The following PHIP variants were observed in gnomAD, a reference collection of about 807,000 sequenced individuals.
PHIP encodes PHIP subunit of CUL4-Ring ligase complex.
Under a neutral mutation model 236.8 loss-of-function variants are expected in PHIP, and 54 were observed. That is an observed-to-expected ratio of 0.23 (90% CI 0.18 to 0.29). PHIP has a LOEUF of 0.29. Ranked by LOEUF, PHIP falls within the 10% of genes least tolerant of loss-of-function variation. The pLI is 1.00. For synonymous variants in PHIP, 756 were observed against 718.9 expected, an observed-to-expected ratio of 1.05 and a Z score of -0.83; for missense variants, 1,370 against 2,190.8, an observed-to-expected ratio of 0.63 and a Z score of 7.48.
intron 15 of PHIP, among the ~76,000 whole-genome samples, chr6:79,005,622 C>G (rs1022068981): frequency 4.0e-5 from 6 of 151,456 alleles, no homozygotes; most frequent in African/African-American, 1.5e-4. Flanking sequence ...AGAGAGAGAA[C>G]AAAAAAGCAA....
chr6:79,028,896 C>T (rs997380692), intron 7 of PHIP, among the ~76,000 whole-genome samples: 4 of 152,132 alleles, frequency 2.6e-5, no homozygotes, highest in Admixed American at 6.5e-5. Flanking sequence ...AAACACCAGT[C>T]TTTTGACCAA....
At chr6:79,042,395 T>C (rs1772268534) in intron 7 of PHIP, among the ~76,000 whole-genome samples, 1 of 152,040 alleles carries the variant, frequency 6.6e-6, no homozygotes, top group African/African-American at 2.4e-5. Flanking sequence ...TTAAAATCAC[T>C]ATTTTAAGGG....
At chr6:79,015,475 C>T (rs1770791854) in intron 14 of PHIP, among the ~76,000 whole-genome samples, 155 bp downstream of exon 14, 1 of 151,750 alleles carries the variant, frequency 6.6e-6, no homozygotes, top group Non-Finnish European at 1.5e-5. Context: ...ACCTGTTTAA[C>T]TGCACTGTTA....
intron 29 of PHIP, 30 bp downstream of exon 29, chr6:78,965,673 G>A: frequency 7.9e-7 from 1 of 1,267,648 alleles, no homozygotes; most frequent in Non-Finnish European, 1.1e-6. Context: ...ACTCCATAAT[G>A]GAGAAACAAA....
chr6:78,972,824 G>A (rs1050158091), intron 24 of PHIP, among the ~76,000 whole-genome samples: 1 of 152,076 alleles, frequency 6.6e-6, no homozygotes, highest in Admixed American at 6.5e-5. Context: ...GGGAAGTTTA[G>A]AGAAAAAAAC....
chr6:78,985,305 C>T, intron 22 of PHIP, 47 bp downstream of exon 22: 1 of 1,044,090 alleles, frequency 9.6e-7, no homozygotes, highest in Middle Eastern at 2.1e-4. Context: ...AAACACCTTT[C>T]TAAAGACTTT....
chr6:79,055,726 T>C (rs1031272411), intron 6 of PHIP, among the ~76,000 whole-genome samples: 2 of 152,218 alleles, frequency 1.3e-5, no homozygotes, highest in African/African-American at 4.8e-5. Flanking sequence ...TTCAAAGTAG[T>C]TGGGAATTCT....
Position 78,935,276 on chromosome 6 carries a change from A to G in PHIP, c.*5417T>C, listed in dbSNP as rs1464898729. 6.6e-6 allele frequency among the ~76,000 whole-genome samples: 1 copy of G among 152,142 alleles called. No individual in the cohort carries two copies. The highest frequency in any genetic ancestry group is 2.4e-5 in the African/African-American group (1 of 41,432). On this transcript the variant is annotated 3_prime_UTR_variant, in exon 40 of 40. Transcript: ENST00000275034. ...ATCATTTTAACAAAACATCTTAGGG[A>G]GAAATTAACACAAAATTACAAATCA...
chr6:78,997,891 A>C (rs1769731066), intron 18 of PHIP, among the ~76,000 whole-genome samples: 1 of 152,210 alleles, frequency 6.6e-6, no homozygotes, highest in Non-Finnish European at 1.5e-5. Context: ...ACTTCATAAG[A>C]AGCAAACTAG....
intron 4 of PHIP, among the ~76,000 whole-genome samples, chr6:79,065,762 T>C (rs1426275851): frequency 8.3e-6 from 1 of 121,188 alleles, no homozygotes; most frequent in African/African-American, 3.3e-5. Flanking sequence ...CTCTTAACTA[T>C]ACCACACACA....
intron 9 of PHIP, among the ~76,000 whole-genome samples, chr6:79,025,122 T>C (rs1771331520): frequency 6.6e-6 from 1 of 152,182 alleles, no homozygotes; most frequent in Admixed American, 6.5e-5. Context: ...AGATCTAAAA[T>C]AAAATCTAAA....
intron 15 of PHIP, among the ~76,000 whole-genome samples, chr6:79,010,881 C>A (rs1770539832): frequency 2.0e-5 from 3 of 151,772 alleles, no homozygotes; most frequent in Non-Finnish European, 4.4e-5. Flanking sequence ...ACTTAGCTGT[C>A]CGGTGCTAAT....
In PHIP at chr6:78,982,956, T is replaced by C. The variant is rs1274767606; in HGVS notation, c.2699A>G (p.Lys900Arg). Residue 900 changes from lysine to arginine, a missense_variant, in exon 23 of 40, where the codon AAA becomes AGA. By Grantham distance (26) the Lys-to-Arg change is conservative. Coordinates refer to ENST00000275034, the MANE Select transcript of PHIP (RefSeq NM_017934.7). The stretch of plus-strand genomic sequence containing the variant: ...TCCATCTTTTTCTTCATTTACTTTT[T>C]TCTTTTCCTTTTTAATCTGTTTTTG... The part of the protein sequence containing the change: ...QKQKQIKKEK[K>R]KVNEEKDGPI... The C allele has an allele frequency of 6.2e-7, 1 of 1,604,494 alleles. No individual in the cohort carries two copies. The highest frequency in any genetic ancestry group is 1.3e-5 in the African/African-American group (1 of 74,394).
intron 6 of PHIP, among the ~76,000 whole-genome samples, chr6:79,050,237 A>G (rs1027803171): frequency 1.3e-5 from 2 of 152,202 alleles, no homozygotes; most frequent in Admixed American, 1.3e-4. Flanking sequence ...ACGTGTAGCA[A>G]ATTTAGAGAA....
At chr6:79,019,230 A>G in intron 9 of PHIP, 71 bp from the exon 10 acceptor site, 1 of 1,137,228 alleles carries the variant, frequency 8.8e-7, no homozygotes, top group Non-Finnish European at 1.3e-6. Flanking sequence ...ATCTGTTTCA[A>G]AAAATAATCC....
Position 78,978,587 on chromosome 6 carries a change from A to C in PHIP, c.2889+5T>G, listed in dbSNP as rs1768281719. 1.3e-6 allele frequency: 2 copies of C among 1,570,988 alleles called. No individual in the cohort carries two copies. The highest frequency in any genetic ancestry group is 1.3e-5 in the African/African-American group (1 of 74,292). ...AAAATGGATAATTTAAAACTTTTAA[A>C]GTACCTCATCACCCATCTGTGGCAC... On this transcript the variant is annotated splice_donor_5th_base_variant and intron_variant, in intron 24 of 39. Transcript: ENST00000275034.
chr6:79,058,332 C>T (rs940961385), intron 6 of PHIP, among the ~76,000 whole-genome samples: 5 of 151,928 alleles, frequency 3.3e-5, no homozygotes, highest in African/African-American at 1.2e-4. Context: ...GAATGTATCT[C>T]CTGTGAATAA....
chr6:79,022,042 T>C (rs975966981), intron 9 of PHIP, among the ~76,000 whole-genome samples: 1 of 152,092 alleles, frequency 6.6e-6, no homozygotes, highest in South Asian at 2.1e-4. Flanking sequence ...ATAAAAAGAT[T>C]TTATATTTTT....
chr6:79,064,424 A>C (rs928711615), intron 4 of PHIP, among the ~76,000 whole-genome samples: 1 of 152,160 alleles, frequency 6.6e-6, no homozygotes, highest in Non-Finnish European at 1.5e-5. Context: ...TCCATAGTCC[A>C]TCTAATTTCG....
Sources: gnomAD v4.1 joint callset for allele counts (sites outside exome capture counted in the v4.1 genomes callset) on GRCh38, gnomAD v4.1.1 for gene constraint, MANE v1.5 for transcripts, NCBI Gene and HGNC (gene_info 2026-07-23, HGNC 2026-07-21) for gene names.